ATP11B: variants seen among roughly 807,000 people sequenced by gnomAD.
ATP11B encodes ATPase phospholipid transporting 11B (putative).
A neutral mutation model predicts 157.8 loss-of-function variants in ATP11B; 81 were observed. The ratio of observed to expected loss-of-function variants is 0.51; its 90% CI spans 0.43 to 0.62. ATP11B has a LOEUF of 0.62. ATP11B is among the 20% of genes least tolerant of loss of function. The pLI is 0.00. For missense variants in ATP11B, 1,165 were observed against 1,402.2 expected (o/e 0.83, Z 2.70); for synonymous variants, 451 against 469.4 (o/e 0.96, Z 0.51).
intron 2 of ATP11B, among the ~76,000 whole-genome samples, chr3:182,825,080 T>A (rs1181750968): frequency 3.3e-5 from 5 of 152,196 alleles, no homozygotes; most frequent in Admixed American, 1.3e-4. Flanking sequence ...ATTCTCTTGG[T>A]CTCCTTCCAG....
Position 182,898,680 on chromosome 3 carries a change from A to G in ATP11B, c.3226A>G (p.Ile1076Val), listed in dbSNP as rs1463955953. The G allele has an allele frequency of 5.6e-6, 9 of 1,609,202 alleles. No individual in the cohort carries two copies. Among genetic ancestry groups the G allele is most frequent in the South Asian group, 4.4e-5 (4 of 90,160 alleles). The stretch of plus-strand genomic sequence containing the variant: ...GTCAAGTGGTTCTGCTTGGTTTGCC[A>G]TAATCCTCATGGTTGTTACATGTCT... Reference protein sequence around the residue: ...LLSSGSAWFAIILMVVTCLFL... With the variant: ...LLSSGSAWFAVILMVVTCLFL... Residue 1076 changes from isoleucine (I) to valine (V), a missense_variant, in exon 28 of 30, where the codon ATA (isoleucine) becomes GTA (valine). By Grantham distance (29) the Ile-to-Val change is conservative (BLOSUM62 3). This residue lies in a region of ATP11B where 303 missense variants were observed against 296.3 expected (regional missense o/e 1.02). Coordinates refer to ENST00000323116, the MANE Select transcript of ATP11B (RefSeq NM_014616.3).
chr3:182,887,528 T>C, intron 23 of ATP11B, 58 bp from the exon 24 acceptor site: 1 of 1,480,428 alleles, frequency 6.8e-7, no homozygotes. Context: ...AGTTGTCATA[T>C]GCATAATAGT....
At chr3:182,841,927 C>T (rs562183694) in intron 7 of ATP11B, 148 bp from the exon 8 acceptor site, 5 of 481,490 alleles carry the variant, frequency 1.0e-5, no homozygotes, top group Admixed American at 8.1e-5. Context: ...TGCAGTGAGC[C>T]GAGATCGCAC....
intron 20 of ATP11B, among the ~76,000 whole-genome samples, chr3:182,880,546 A>G (rs1722350300): frequency 1.3e-5 from 2 of 152,154 alleles, no homozygotes; most frequent in Non-Finnish European, 2.9e-5. Flanking sequence ...TAATTTCTTA[A>G]GAAAAAATTT....
chr3:182,902,995 T>G (rs951314187), intron 28 of ATP11B, among the ~76,000 whole-genome samples: 10 of 152,174 alleles, frequency 6.6e-5, no homozygotes, highest in Non-Finnish European at 1.0e-4. Flanking sequence ...TGCATATTTA[T>G]GTTTGTGTAT....
At chr3:182,809,275 CT>C (rs1212187181) in intron 1 of ATP11B, among the ~76,000 whole-genome samples, 1 of 151,758 alleles carries the variant, frequency 6.6e-6, no homozygotes, top group Non-Finnish European at 1.5e-5. Flanking sequence ...TTGAGACAGA[CT>C]TTTGGTCTGT....
At chr3:182,820,404 C>T in intron 2 of ATP11B, 28 bp downstream of exon 2, 1 of 1,463,852 alleles carries the variant, frequency 6.8e-7, no homozygotes, top group Non-Finnish European at 9.6e-7. Context: ...TATTGTTAGG[C>T]CAGGTGCAGT....
At chr3:182,837,230 T>C (rs1217014729) in intron 7 of ATP11B, 56 bp downstream of exon 7, 1 of 1,225,204 alleles carries the variant, frequency 8.2e-7, no homozygotes, top group Non-Finnish European at 1.2e-6. Flanking sequence ...ACCTCATTTT[T>C]AAATAACCAT....
rs1011621776 is a variant in ATP11B, at chr3:182,898,763, A to G, written c.3309A>G (p.Glu1103=). The change falls in exon 28 of 30, where the codon GAA becomes GAG. Residue 1103 remains glutamate, a synonymous_variant. Coordinates refer to ENST00000323116, the MANE Select transcript of ATP11B (RefSeq NM_014616.3). ...FDRHLHPTST[E]KAQLTETNAG... ...GACACCTCCACCCTACAAGTACTGA[A>G]AAGGCACAGGTAACCACTTTTTATA... 4.5e-6 allele frequency: 7 copies of G among 1,543,310 alleles called. No individual in the cohort carries two copies. In the African/African-American group the frequency reaches 9.7e-5, roughly 21 times the overall value.
intron 4 of ATP11B, among the ~76,000 whole-genome samples, chr3:182,834,936 T>C (rs1384582286): frequency 2.0e-5 from 3 of 152,246 alleles, no homozygotes; most frequent in Non-Finnish European, 4.4e-5. Flanking sequence ...TTGTGTGTTA[T>C]ATGTATTATA....
At position 182,880,915 on chromosome 3, in the gene ATP11B, A is replaced by G. The variant is rs1276765684; in HGVS notation, c.2443A>G (p.Ile815Val). The change falls in exon 21 of 30, where the codon ATA (isoleucine) becomes GTA (valine). Residue 815 changes from isoleucine to valine, a missense_variant. By Grantham distance (29) the Ile-to-Val change is conservative. This residue lies in a region of ATP11B where 737 missense variants were observed against 930.5 expected (regional missense o/e 0.79). Transcript: ENST00000323116. Reference sequence around the variant, plus strand: ...AATAAAAATATCACCTGAGAAACCTATAACATTGGCTGTTGGTGATGGTGC... The same window carrying G: ...AATAAAAATATCACCTGAGAAACCTGTAACATTGGCTGTTGGTGATGGTGC... The part of the protein sequence containing the change: ...RLIKISPEKP[I>V]TLAVGDGAND... 1.2e-5 allele frequency: 19 copies of G among 1,605,010 alleles called. No individual in the cohort carries two copies. The highest frequency in any genetic ancestry group is 6.8e-5 in the East Asian group (3 of 44,202).
intron 1 of ATP11B, among the ~76,000 whole-genome samples, chr3:182,812,644 A>G (rs1716741949): frequency 6.6e-6 from 1 of 152,230 alleles, no homozygotes; most frequent in South Asian, 2.1e-4. Flanking sequence ...TTATGGCCAA[A>G]TAGGACTTGC....
chr3:182,838,696 G>C (rs1045586225), intron 7 of ATP11B, among the ~76,000 whole-genome samples: 6 of 151,680 alleles, frequency 4.0e-5, no homozygotes, highest in Non-Finnish European at 8.8e-5. Flanking sequence ...TTCCCTCCTT[G>C]AGGAACTCAT....
chr3:182,872,239 T>G, intron 17 of ATP11B, 117 bp from the exon 18 acceptor site: 1 of 684,884 alleles, frequency 1.5e-6, no homozygotes, highest in African/African-American at 1.8e-5. Context: ...ACTTTTTAAA[T>G]GATTTGTGAT....
intron 25 of ATP11B, among the ~76,000 whole-genome samples, chr3:182,891,247 C>G (rs1723155655): frequency 6.6e-6 from 1 of 152,120 alleles, no homozygotes; most frequent in Non-Finnish European, 1.5e-5. Flanking sequence ...AAATTTGGAT[C>G]TTCATCATTG....
chr3:182,896,612 G>A (rs1723565954), intron 25 of ATP11B, 88 bp from the exon 26 acceptor site: 2 of 1,106,860 alleles, frequency 1.8e-6, no homozygotes, highest in Non-Finnish European at 2.7e-6. Context: ...ATAATTCAAG[G>A]GATTTTTAGT....
chr3:182,891,010 A>G (rs1220828126), intron 25 of ATP11B, among the ~76,000 whole-genome samples: 3 of 152,214 alleles, frequency 2.0e-5, no homozygotes, highest in Non-Finnish European at 4.4e-5. Flanking sequence ...CACGTTGTGC[A>G]CATGTACCCT....
chr3:182,859,389 T>C (rs1420367293), intron 12 of ATP11B, 30 bp downstream of exon 12: 2 of 1,507,786 alleles, frequency 1.3e-6, no homozygotes, highest in South Asian at 2.6e-5. Context: ...TTTGTTTCTC[T>C]AATTTGTTAT....
At chr3:182,820,678 AATT>A (rs1287749162) in intron 2 of ATP11B, among the ~76,000 whole-genome samples, 4 of 152,212 alleles carry the variant, frequency 2.6e-5, no homozygotes, top group East Asian at 3.8e-4. Context: ...CAAAAAAAAA[AATT>A]ATTATTAAAA....
Sources: allele counts gnomAD v4.1 joint callset (sites outside exome capture counted in the v4.1 genomes callset), GRCh38; gene constraint gnomAD v4.1.1; regional missense constraint gnomAD v4.1.1; transcripts MANE v1.5; gene names NCBI Gene and HGNC (gene_info 2026-07-23, HGNC 2026-07-21).